SAMD4A: variants seen among roughly 807,000 people sequenced by gnomAD.
SAMD4A encodes the protein protein Smaug homolog 1.
SAMD4A carries 33 observed loss-of-function variants against 81.3 expected under a neutral mutation model. That is an observed-to-expected ratio of 0.41 (90% CI 0.31 to 0.54). The LOEUF (loss-of-function observed/expected upper bound fraction) is 0.54. SAMD4A is among the 20% of genes least tolerant of loss of function. The probability of loss-of-function intolerance (pLI) is 0.37; values close to 1 mark genes in which losing one functional copy is unlikely to be tolerated. For synonymous variants in SAMD4A, 389 were observed against 382.1 expected, an observed-to-expected ratio of 1.02 and a Z score of -0.21; for missense variants, 854 against 951.1, an observed-to-expected ratio of 0.90 and a Z score of 1.34.
intron 2 of SAMD4A, among the ~76,000 whole-genome samples, chr14:54,663,300 T>C (rs986108331): frequency 2.6e-5 from 4 of 152,194 alleles, no homozygotes; most frequent in Non-Finnish European, 5.9e-5. Flanking sequence ...ATACTTTTCA[T>C]CCAAGTATTT....
At chr14:54,594,533 A>T (rs142239901) in intron 2 of SAMD4A, among the ~76,000 whole-genome samples, 1 of 152,362 alleles carries the variant, frequency 6.6e-6, no homozygotes, top group South Asian at 2.1e-4. Context: ...AAGTAAGATG[A>T]TAAGTACAAA....
chr14:54,573,747 T>G (rs1463550195), intron 2 of SAMD4A, among the ~76,000 whole-genome samples: 1 of 152,206 alleles, frequency 6.6e-6, no homozygotes, highest in Non-Finnish European at 1.5e-5. Flanking sequence ...TTTGCTTCCA[T>G]TGAAGCTGCC....
At chr14:54,587,736 C>A (rs2033662903) in intron 2 of SAMD4A, among the ~76,000 whole-genome samples, 1 of 152,152 alleles carries the variant, frequency 6.6e-6, no homozygotes, top group Non-Finnish European at 1.5e-5. Flanking sequence ...TGATATGAAA[C>A]CCGCTTGATT....
intron 4 of SAMD4A, among the ~76,000 whole-genome samples, chr14:54,745,141 G>A (rs959399432): frequency 6.6e-5 from 10 of 152,088 alleles, no homozygotes; most frequent in Non-Finnish European, 1.2e-4. Context: ...GTCACCATCC[G>A]CCAGGCCAGC....
chr14:54,760,421 C>A lies in SAMD4A; in HGVS notation c.1437C>A (p.Cys479Ter). ...TCCAGCCGCACCAGCTGAGCAGCTG[C>A]GATGGGGAGCTGGCCGTCGCCCCCC... Reference protein sequence around the residue: ...GGLQPHQLSSCDGELAVAPLP... With the variant: ...GGLQPHQLSS The change falls in exon 7 of 13, where the codon TGC (cysteine) becomes TGA (stop). Residue 479 changes from cysteine (C) to a stop codon, truncating the protein, a stop_gained. Transcript: ENST00000554335. LOFTEE classifies it high-confidence loss of function. 1 of 1,445,904 alleles carries A rather than the reference C, an allele frequency of 6.9e-7. No individual in the cohort carries two copies. Among genetic ancestry groups the A allele is most frequent in the Non-Finnish European group, 9.0e-7 (1 of 1,110,282 alleles). 89.6% of individuals were successfully genotyped at this position (1,445,904 alleles called of 1,614,324 possible). A position where few individuals can be genotyped will look rare whatever the true frequency, so the allele number is the denominator to read the frequency against.
chr14:54,609,776 T>A (rs2034309161), intron 2 of SAMD4A, among the ~76,000 whole-genome samples: 1 of 152,230 alleles, frequency 6.6e-6, no homozygotes, highest in Admixed American at 6.5e-5. Context: ...ATTAAGTCCT[T>A]TATGAGTCAG....
intron 2 of SAMD4A, among the ~76,000 whole-genome samples, chr14:54,648,176 G>T (rs1029505891): frequency 9.2e-5 from 14 of 152,222 alleles, no homozygotes; most frequent in African/African-American, 2.9e-4. Flanking sequence ...ACTTTTGTGA[G>T]ACTTCTGGAA....
chr14:54,757,459 C>T (rs1032804652), intron 6 of SAMD4A, among the ~76,000 whole-genome samples: 1 of 149,416 alleles, frequency 6.7e-6, no homozygotes, highest in African/African-American at 2.5e-5. Flanking sequence ...GTGGTTGCCT[C>T]CAATAGAAGA....
chr14:54,684,122 C>T (rs1367914965), intron 2 of SAMD4A, among the ~76,000 whole-genome samples: 4 of 152,322 alleles, frequency 2.6e-5, no homozygotes, highest in African/African-American at 7.2e-5. Context: ...GCATAAATTG[C>T]TCACCCATCA....
At chr14:54,664,586 C>T (rs1393190258) in intron 2 of SAMD4A, among the ~76,000 whole-genome samples, 1 of 152,036 alleles carries the variant, frequency 6.6e-6, no homozygotes, top group Non-Finnish European at 1.5e-5. Context: ...CCACTTCCTT[C>T]TCTTCCTCCT....
chr14:54,766,538 A>G (rs734001), intron 8 of SAMD4A, among the ~76,000 whole-genome samples: 108,234 of 152,030 alleles, frequency 0.71, 40,985 homozygotes, highest in Non-Finnish European at 0.84. Context: ...CTCCACCCTG[A>G]GACCTGAAAG....
chr14:54,775,218 G>A, intron 10 of SAMD4A, 83 bp downstream of exon 10: 2 of 1,512,486 alleles, frequency 1.3e-6, no homozygotes, highest in South Asian at 1.1e-5. Context: ...ACCCCAGGGT[G>A]GGGAGAGAGG....
In SAMD4A at chr14:54,775,097, A is replaced by G. The variant is rs1465081988; in HGVS notation, c.1879A>G (p.Thr627Ala). 6.2e-7 allele frequency: 1 copy of G among 1,614,182 alleles called. No individual in the cohort carries two copies. Among genetic ancestry groups the G allele is most frequent in the Non-Finnish European group, 8.5e-7 (1 of 1,180,036 alleles). ...SGFVSSNQRN[T>A]TATPTIMKQG... Reference sequence around the variant, plus strand: ...ATTCGTCAGCTCCAACCAGCGCAACACCACAGCTACCCCCACCATCATGAA... The same window carrying G: ...ATTCGTCAGCTCCAACCAGCGCAACGCCACAGCTACCCCCACCATCATGAA... The change falls in exon 10 of 13, where the codon ACC becomes GCC. Residue 627 changes from threonine (T) to alanine (A), a missense_variant. Physicochemically the swap from Thr to Ala is moderately conservative, Grantham distance 58. Coordinates refer to ENST00000554335, the MANE Select transcript of SAMD4A (RefSeq NM_015589.6).
At chr14:54,623,308 T>C (rs998393931) in intron 2 of SAMD4A, among the ~76,000 whole-genome samples, 2 of 152,070 alleles carry the variant, frequency 1.3e-5, no homozygotes, top group African/African-American at 4.8e-5. Context: ...AGCTTCTCAA[T>C]AGGGCCTCAG....
At chr14:54,641,741 A>G (rs1250730269) in intron 2 of SAMD4A, among the ~76,000 whole-genome samples, 1 of 152,218 alleles carries the variant, frequency 6.6e-6, no homozygotes, top group Non-Finnish European at 1.5e-5. Flanking sequence ...TCTGTGGAGA[A>G]TCAGTGACCT....
upstream of SAMD4A, among the ~76,000 whole-genome samples, chr14:54,565,956 C>A (rs866795715): frequency 3.3e-5 from 5 of 152,164 alleles, 1 homozygote; most frequent in East Asian, 7.8e-4. The surrounding 1 kb of genome is among the most constrained non-coding windows in gnomAD (Gnocchi z 5.4). Context: ...CCCCGCCCTG[C>A]GCCGGGTCCG....
chr14:54,566,733 G>C (rs1437349712), upstream of SAMD4A, among the ~76,000 whole-genome samples: 1 of 151,832 alleles, frequency 6.6e-6, no homozygotes, highest in Non-Finnish European at 1.5e-5. Context: ...GCGGCGGCAG[G>C]ATGCCTGCCA....
chr14:54,777,632 A>G (rs1371362633), intron 11 of SAMD4A, among the ~76,000 whole-genome samples: 5 of 151,612 alleles, frequency 3.3e-5, no homozygotes, highest in Admixed American at 3.3e-4. Context: ...CACATGGGGG[A>G]TTCCGAGTAG....
intron 2 of SAMD4A, among the ~76,000 whole-genome samples, chr14:54,586,551 A>G (rs1018444214): frequency 3.9e-5 from 6 of 152,134 alleles, no homozygotes; most frequent in African/African-American, 7.2e-5. Flanking sequence ...TAGAATTTTT[A>G]TGGTTTCACG....
Sources: gnomAD v4.1 joint callset for allele counts (sites outside exome capture counted in the v4.1 genomes callset) on GRCh38, gnomAD v4.1.1 for gene constraint, Gnocchi (gnomAD v3.1) non-coding constraint, MANE v1.5 for transcripts, NCBI Gene and HGNC (gene_info 2026-07-23, HGNC 2026-07-21) for gene names.